DDX10: variants seen among roughly 807,000 people sequenced by gnomAD.
The protein encoded by DDX10 is DEAD-box helicase 10.
A neutral mutation model predicts 104.3 loss-of-function variants in DDX10; 74 were observed. The observed-to-expected ratio is 0.71, with a 90% CI of 0.59 to 0.86. The LOEUF is 0.86. Ranked by LOEUF, DDX10 falls within the 40% of genes least tolerant of loss-of-function variation. The probability of loss-of-function intolerance (pLI) is 0.00; values close to 1 mark genes in which losing one functional copy is unlikely to be tolerated. For synonymous variants in DDX10, 351 were observed against 353.4 expected (o/e 0.99, Z 0.08); for missense variants, 952 against 1,040.0 (o/e 0.92, Z 1.16).
intron 13 of DDX10, among the ~76,000 whole-genome samples, chr11:108,741,319 T>C (rs752318786): frequency 5.6e-4 from 85 of 152,286 alleles, no homozygotes; most frequent in Admixed American, 8.5e-4. Context: ...AATTTTAAAG[T>C]CATTTTTTTT....
intron 13 of DDX10, among the ~76,000 whole-genome samples, chr11:108,768,767 T>C (rs1008031554): frequency 2.6e-5 from 4 of 152,190 alleles, no homozygotes; most frequent in African/African-American, 9.6e-5. Flanking sequence ...CTTCCAACAT[T>C]AGTTGTTATC....
intron 16 of DDX10, among the ~76,000 whole-genome samples, chr11:108,859,233 G>A (rs940358870): frequency 1.3e-5 from 2 of 152,128 alleles, no homozygotes; most frequent in Non-Finnish European, 2.9e-5. Context: ...AATTTTTCAG[G>A]AAACAAGTCA....
rs10582729 is a variant in DDX10 at position 108,750,926 on chromosome 11, CTTTTTTTTTTTTTTTTTT to C, written c.1965+27485_1965+27502del. Among the ~76,000 whole-genome samples, 161 of 24,260 alleles carry C rather than the reference CTTTTTTTTTTTTTTTTTT, an allele frequency of 6.6e-3. 2 individuals are homozygous for C. The highest frequency in any genetic ancestry group is 0.013 in the Non-Finnish European group (134 of 10,148). 15.9% of individuals were successfully genotyped at this position (24,260 alleles called of 152,430 possible). A position where few individuals can be genotyped will look rare whatever the true frequency, so the allele number is the denominator to read the frequency against. ...ACATGTGCATCACCACACCTGGTTA[CTTTTTTTTTTTTTTTTTT>C]TTTTTTTTTTTTTTTTTTTTAGAGA... On this transcript the variant is annotated intron_variant, in intron 13 of 17. Transcript: ENST00000322536.
chr11:108,715,835 A>G, intron 10 of DDX10, 44 bp from the exon 11 acceptor site: 1 of 1,037,070 alleles, frequency 9.6e-7, no homozygotes, highest in Non-Finnish European at 1.5e-6. Flanking sequence ...TTAGTCTCCA[A>G]ATTTGAGATA....
At position 108,722,903 on chromosome 11, in the gene DDX10, C is replaced by T. The variant is rs141300959; in HGVS notation, c.1500-94C>T. 2,583 of 1,454,308 alleles carry T rather than the reference C, an allele frequency of 1.8e-3. 33 individuals carry two copies. In the African/African-American group the frequency reaches 0.03, roughly 17 times the overall value. The allele number at this position is 1,454,308 out of a possible 1,614,324, so 90.1% of individuals were successfully genotyped here. On this transcript the variant is annotated intron_variant, in intron 12 of 17. Transcript: ENST00000322536. ...CAGGAACATTTTCTTTAAAAAAGCT[C>T]TAGGAATCTCTGCTCTTGAGAAACT...
rs778116486 is a variant in DDX10 at position 108,715,859 on chromosome 11, T to G, written c.1323-20T>G. The G allele has an allele frequency of 2.3e-6, 3 of 1,289,808 alleles. No individual in the cohort carries two copies. The Admixed American group carries it at 5.8e-5, about 25-fold the overall frequency. 79.9% of individuals were successfully genotyped at this position (1,289,808 alleles called of 1,614,324 possible). On this transcript the variant is annotated intron_variant, in intron 10 of 17. Transcript: ENST00000322536. Reference sequence around the variant, plus strand: ...AAATTTGAGATATCTTATTTTAACCTTTATCTTTTTGTTACAAAGAATCAA... The same window carrying G: ...AAATTTGAGATATCTTATTTTAACCGTTATCTTTTTGTTACAAAGAATCAA...
At chr11:108,725,074 A>G (rs2094303653) in intron 13 of DDX10, among the ~76,000 whole-genome samples, 1 of 152,106 alleles carries the variant, frequency 6.6e-6, no homozygotes. Flanking sequence ...TCAGAATGAT[A>G]TATAAATAGG....
chr11:108,852,365 A>G (rs972507494), intron 16 of DDX10, among the ~76,000 whole-genome samples, 156 bp downstream of exon 16: 2 of 152,238 alleles, frequency 1.3e-5, no homozygotes, highest in African/African-American at 4.8e-5. Context: ...GTATATCATG[A>G]TATTCCAATT....
At chr11:108,873,235 T>C (rs1050537206) in intron 16 of DDX10, among the ~76,000 whole-genome samples, 2 of 152,166 alleles carry the variant, frequency 1.3e-5, no homozygotes, top group Non-Finnish European at 2.9e-5. Context: ...TCCAGGTGGG[T>C]AGACAAGGAT....
At chr11:108,671,011 T>C (rs1246387440) in intron 1 of DDX10, among the ~76,000 whole-genome samples, 1 of 152,182 alleles carries the variant, frequency 6.6e-6, no homozygotes, top group Non-Finnish European at 1.5e-5. Context: ...TTTTCAACTT[T>C]TCCAACAGCC....
At chr11:108,869,739 C>T (rs1341778937) in intron 16 of DDX10, among the ~76,000 whole-genome samples, 1 of 151,926 alleles carries the variant, frequency 6.6e-6, no homozygotes, top group Non-Finnish European at 1.5e-5. Context: ...GCAATGTGTT[C>T]ATTTTTTAAG....
intron 13 of DDX10, among the ~76,000 whole-genome samples, chr11:108,786,497 G>A (rs554617105): frequency 8.6e-5 from 13 of 151,518 alleles, no homozygotes; most frequent in African/African-American, 2.7e-4. Context: ...AAGTGTTTTC[G>A]TAGGTCAGGA....
At chr11:108,844,419 G>T (rs1006092904) in intron 15 of DDX10, among the ~76,000 whole-genome samples, 1 of 152,164 alleles carries the variant, frequency 6.6e-6, no homozygotes, top group Admixed American at 6.5e-5. Context: ...GAGTACTGTA[G>T]CATTAGCATG....
intron 9 of DDX10, among the ~76,000 whole-genome samples, chr11:108,701,440 C>G (rs2094267775): frequency 1.3e-5 from 2 of 152,072 alleles, no homozygotes; most frequent in African/African-American, 4.8e-5. Context: ...CTCCCTTTCT[C>G]CACTTCTTGA....
chr11:108,935,022 C>A (rs1037665582), intron 17 of DDX10, among the ~76,000 whole-genome samples: 7 of 152,138 alleles, frequency 4.6e-5, no homozygotes, highest in African/African-American at 1.4e-4. Flanking sequence ...CTTTGAACAA[C>A]CCTAACCGTC....
At chr11:108,796,330 A>G (rs2134552794) in intron 13 of DDX10, among the ~76,000 whole-genome samples, 1 of 152,266 alleles carries the variant, frequency 6.6e-6, no homozygotes, top group Non-Finnish European at 1.5e-5. Context: ...CTTGTGTTCT[A>G]GTTGATTGTA....
At chr11:108,832,807 A>G (rs1416059297) in intron 13 of DDX10, among the ~76,000 whole-genome samples, 1 of 152,232 alleles carries the variant, frequency 6.6e-6, no homozygotes, top group Non-Finnish European at 1.5e-5. Context: ...TAACCTGGAT[A>G]TATAAAAGCA....
chr11:108,792,133 ATACT>A (rs1337907890), intron 13 of DDX10, among the ~76,000 whole-genome samples: 5 of 152,046 alleles, frequency 3.3e-5, no homozygotes, highest in African/African-American at 9.7e-5. Context: ...TATCTTTCTA[ATACT>A]TAGTTTTAAG....
At chr11:108,715,545 T>A (rs539480013) in intron 10 of DDX10, among the ~76,000 whole-genome samples, 1 of 152,220 alleles carries the variant, frequency 6.6e-6, no homozygotes, top group Non-Finnish European at 1.5e-5. Flanking sequence ...AGATTTAATT[T>A]ATTCCATTTC....
Sources: allele counts gnomAD v4.1 joint callset (sites outside exome capture counted in the v4.1 genomes callset), GRCh38; gene constraint gnomAD v4.1.1; transcripts MANE v1.5; gene names NCBI Gene and HGNC (gene_info 2026-07-23, HGNC 2026-07-21).